Variants in DYNC2H1 observed in about 807,000 individuals in gnomAD.
DYNC2H1 encodes the protein cytoplasmic dynein 2 heavy chain 1.
In DYNC2H1, 410 loss-of-function variants were observed where a neutral mutation model predicts 570.0. The observed-to-expected ratio is 0.72, with a 90% CI of 0.66 to 0.78. The LOEUF (loss-of-function observed/expected upper bound fraction) is 0.78, where lower values mean the gene tolerates loss of function less well. Among genes scored for constraint, DYNC2H1 ranks in the 30% least tolerant of loss-of-function variants. The probability of loss-of-function intolerance (pLI) is 0.00; values close to 1 mark genes in which losing one functional copy is unlikely to be tolerated. For synonymous variants in DYNC2H1, 1,688 were observed against 1,677.6 expected (o/e 1.01, Z -0.15); for missense variants, 4,865 against 5,046.4 (o/e 0.96, Z 1.09).
chr11:103,156,133 G>C (rs998899879), intron 25 of DYNC2H1, among the ~76,000 whole-genome samples: 1 of 152,016 alleles, frequency 6.6e-6, no homozygotes, highest in African/African-American at 2.4e-5. Context: ...TTCTTTTAGA[G>C]AGGTAAAAAG....
chr11:103,163,121 G>A lies in DYNC2H1; in HGVS notation c.4585G>A (p.Val1529Ile). 6.2e-7 allele frequency: 1 copy of A among 1,612,878 alleles called. No individual in the cohort carries two copies. The change falls in exon 30 of 89, where the codon GTT (valine) becomes ATT (isoleucine). Residue 1529 changes from valine to isoleucine, a missense_variant. Around this residue, in one of 5 missense-constraint regions of DYNC2H1, gnomAD observed 1,936 missense variants for 1,962.1 expected, o/e 0.99. Transcript: ENST00000375735. This position sits in a 1 kb window ranked among gnomAD's most constrained non-coding sequence, Gnocchi z 4.6. ...TACTGGGCGAAGTTCTCAAGGTGCA[G>A]TTGACCCATCTCTGTTCCCTTCACA... is the stretch of plus-strand genomic sequence containing the variant. ...VTTGRSSQGA[V>I]DPSLFPSQIL...
In DYNC2H1 at chr11:103,154,562, A is replaced by T. The variant is rs764238948; in HGVS notation, c.3414A>T (p.Gln1138His). 1 of 1,602,256 alleles carries T rather than the reference A, an allele frequency of 6.2e-7. No homozygotes were observed. The highest frequency in any genetic ancestry group is 8.5e-7 in the Non-Finnish European group (1 of 1,174,388). Reference protein sequence around the residue: ...AQIWAFYEEFQQGFQEMANED... With the variant: ...AQIWAFYEEFHQGFQEMANED... ...TTTGGGCCTTTTATGAAGAGTTTCA[A>T]CAAGGATTTCAGGAAATGGCCAATG... The change falls in exon 23 of 89, where the codon CAA becomes CAT. Residue 1138 changes from glutamine to histidine, a missense_variant. Physicochemically the swap from Gln to His is conservative, Grantham distance 24. Around this residue, in one of 5 missense-constraint regions of DYNC2H1, gnomAD observed 1,936 missense variants for 1,962.1 expected, o/e 0.99. Transcript: ENST00000375735.
At chr11:103,364,150 A>G (rs1940783825) in intron 83 of DYNC2H1, among the ~76,000 whole-genome samples, 1 of 152,238 alleles carries the variant, frequency 6.6e-6, no homozygotes, top group Admixed American at 6.5e-5. Flanking sequence ...CAATATGTGT[A>G]AAGAATCTAA....
chr11:103,349,620 A>G (rs924084108), intron 82 of DYNC2H1, among the ~76,000 whole-genome samples: 1 of 152,202 alleles, frequency 6.6e-6, no homozygotes, highest in African/African-American at 2.4e-5. Flanking sequence ...ATAGCTCAGT[A>G]TTTGAAAACT....
At chr11:103,468,526 G>A in intron 87 of DYNC2H1, 63 bp from the exon 88 acceptor site, 1 of 1,134,262 alleles carries the variant, frequency 8.8e-7, no homozygotes, top group Non-Finnish European at 1.3e-6. Flanking sequence ...AGGTAGAATA[G>A]AGTAACCTCT....
intron 70 of DYNC2H1, among the ~76,000 whole-genome samples, chr11:103,270,952 A>C (rs1232909582): frequency 6.6e-6 from 1 of 152,210 alleles, no homozygotes; most frequent in Admixed American, 6.5e-5. Context: ...ATGGCATAGA[A>C]AAATGGTGGA....
chr11:103,380,758 C>T (rs1017144516), intron 83 of DYNC2H1, among the ~76,000 whole-genome samples: 15 of 152,108 alleles, frequency 9.9e-5, no homozygotes, highest in African/African-American at 2.4e-4. Context: ...GATGGGGTTT[C>T]GCCTTGTTAC....
rs537307750 is a variant in DYNC2H1 at position 103,275,964 on chromosome 11, C to G, written c.10696-4384C>G. On this transcript the variant is annotated intron_variant, in intron 70 of 88. Coordinates refer to ENST00000375735, the MANE Select transcript of DYNC2H1 (RefSeq NM_001377.3). This position sits in a 1 kb window ranked among gnomAD's most constrained non-coding sequence, Gnocchi z 4.8. ...AACCTGCCTTCCAAAGTGGCTGTACCCTTTTGCATTCCTGCCAGCAATTAA... is the reference window on the plus strand; with the variant it reads ...AACCTGCCTTCCAAAGTGGCTGTACGCTTTTGCATTCCTGCCAGCAATTAA... Among the ~76,000 whole-genome samples, 30 of 152,170 alleles carry G rather than the reference C, an allele frequency of 2.0e-4. No homozygotes were observed. Among genetic ancestry groups the G allele is most frequent in the African/African-American group, 6.7e-4 (28 of 41,522 alleles).
intron 25 of DYNC2H1, 71 bp from the exon 26 acceptor site, chr11:103,156,317 T>A (rs938465668): frequency 1.9e-5 from 26 of 1,386,264 alleles, no homozygotes; most frequent in Admixed American, 2.8e-5. Flanking sequence ...TTTCATAAAA[T>A]ACTTTTCTAT....
chr11:103,410,286 CCTT>C (rs1033844534), intron 84 of DYNC2H1, among the ~76,000 whole-genome samples: 1 of 151,868 alleles, frequency 6.6e-6, no homozygotes, highest in Non-Finnish European at 1.5e-5. Flanking sequence ...GCTAAATCCT[CCTT>C]GAGTCTTTTG....
rs1424545021 is a variant in DYNC2H1, at chr11:103,289,782, T to G, written c.11095+2177T>G. On this transcript the variant is annotated intron_variant, in intron 75 of 88. Coordinates refer to ENST00000375735, the MANE Select transcript of DYNC2H1 (RefSeq NM_001377.3). The surrounding 1 kb of genome is among the most constrained non-coding windows in gnomAD (Gnocchi z 4.2). ...TCTCAAAGAAAAAAAGAAAAATGATTCTCTTTGTTGGATATAACCCATATA... is the reference window on the plus strand; with the variant it reads ...TCTCAAAGAAAAAAAGAAAAATGATGCTCTTTGTTGGATATAACCCATATA... Among the ~76,000 whole-genome samples the G allele has an allele frequency of 1.3e-5, 2 of 152,012 alleles. No individual in the cohort carries two copies. The highest frequency in any genetic ancestry group is 6.6e-5 in the Admixed American group (1 of 15,248).
rs1865948365 is a variant in DYNC2H1 at position 103,277,221 on chromosome 11, T to C, written c.10696-3127T>C. ...TTATTCTTCACAAATTTATTTGTGC[T>C]CATATAGTTATACAAAGTGTGTGTT... is the stretch of plus-strand genomic sequence containing the variant. On this transcript the variant is annotated intron_variant, in intron 70 of 88. Transcript: ENST00000375735. The surrounding 1 kb of genome is among the most constrained non-coding windows in gnomAD (Gnocchi z 4.3). 6.6e-6 allele frequency among the ~76,000 whole-genome samples: 1 copy of C among 152,154 alleles called. No individual in the cohort carries two copies. The highest frequency in any genetic ancestry group is 1.5e-5 in the Non-Finnish European group (1 of 67,988).
At chr11:103,416,602 A>G (rs952533431) in intron 84 of DYNC2H1, among the ~76,000 whole-genome samples, 1 of 152,224 alleles carries the variant, frequency 6.6e-6, no homozygotes, top group African/African-American at 2.4e-5. Context: ...AAAACTGGCT[A>G]GCCATATACA....
At chr11:103,238,317 C>G (rs549230182) in intron 63 of DYNC2H1, among the ~76,000 whole-genome samples, 8 of 152,092 alleles carry the variant, frequency 5.3e-5, no homozygotes, top group Non-Finnish European at 1.2e-4. Flanking sequence ...TGCTTGTAAT[C>G]CCAGCACTTT....
intron 85 of DYNC2H1, among the ~76,000 whole-genome samples, chr11:103,452,725 C>G (rs939360978): frequency 6.6e-6 from 1 of 151,878 alleles, no homozygotes; most frequent in African/African-American, 2.4e-5. Flanking sequence ...TTATGACATA[C>G]TATTTATTTC....
Position 103,395,834 on chromosome 11 carries a change from T to A in DYNC2H1, c.12157-3829T>A, listed in dbSNP as rs532660914. ...CTGTGGACTAAGACTTGGGAAAGGC[T>A]TCTGCCCAGACGATAGGAAATGATT... On this transcript the variant is annotated intron_variant, in intron 83 of 88. Transcript: ENST00000375735. The surrounding 1 kb of genome is among the most constrained non-coding windows in gnomAD (Gnocchi z 4.3). 6.6e-6 allele frequency among the ~76,000 whole-genome samples: 1 copy of A among 152,168 alleles called. No homozygotes were observed. Among genetic ancestry groups the A allele is most frequent in the African/African-American group, 2.4e-5 (1 of 41,440 alleles).
intron 85 of DYNC2H1, among the ~76,000 whole-genome samples, chr11:103,454,706 A>C (rs1944726294): frequency 6.6e-6 from 1 of 152,176 alleles, no homozygotes; most frequent in East Asian, 1.9e-4. Flanking sequence ...ATGGAATATG[A>C]GTTGATTATT....
At chr11:103,115,994 C>T in intron 4 of DYNC2H1, among the ~76,000 whole-genome samples, 1 of 152,082 alleles carries the variant, frequency 6.6e-6, no homozygotes, top group Non-Finnish European at 1.5e-5. Context: ...TATGTGTCTA[C>T]ATTGAAATTG....
At chr11:103,355,295 G>T (rs1269205220) in intron 82 of DYNC2H1, among the ~76,000 whole-genome samples, 2 of 152,102 alleles carry the variant, frequency 1.3e-5, no homozygotes, top group African/African-American at 4.8e-5. Flanking sequence ...AAATGAGAAT[G>T]AGTGTTTATA....
Sources: gnomAD v4.1 joint callset for allele counts (sites outside exome capture counted in the v4.1 genomes callset) on GRCh38, gnomAD v4.1.1 for gene constraint, gnomAD v4.1.1 regional missense constraint, Gnocchi (gnomAD v3.1) non-coding constraint, MANE v1.5 for transcripts, NCBI Gene and HGNC (gene_info 2026-07-23, HGNC 2026-07-21) for gene names.